The following WNT3 variants were observed in gnomAD, a reference collection of about 807,000 sequenced individuals.
WNT3 encodes proto-oncogene Wnt-3.
WNT3 carries 7 observed loss-of-function variants against 34.2 expected under a neutral mutation model. The observed-to-expected ratio is 0.20, with a 90% CI of 0.12 to 0.38. The LOEUF (loss-of-function observed/expected upper bound fraction) is 0.38, where lower values mean the gene tolerates loss of function less well. WNT3 is among the 10% of genes least tolerant of loss of function. The probability of loss-of-function intolerance (pLI) is 1.00; values close to 1 mark genes in which losing one functional copy is unlikely to be tolerated. For synonymous variants in WNT3, 212 were observed against 211.5 expected (o/e 1.00, Z -0.02); for missense variants, 267 against 499.8 (o/e 0.53, Z 4.44).
chr17:46,770,565 T>C (rs544710572), intron 2 of WNT3, among the ~76,000 whole-genome samples: 1 of 152,014 alleles, frequency 6.6e-6, no homozygotes, highest in African/African-American at 2.4e-5. Context: ...CCCCTCTCCT[T>C]TTCTCGGTCT....
chr17:46,787,769 C>A (rs2059522327), intron 1 of WNT3, among the ~76,000 whole-genome samples: 1 of 152,194 alleles, frequency 6.6e-6, no homozygotes. Flanking sequence ...GCCTGGCCAA[C>A]ATGGCGAAAC....
intron 1 of WNT3, among the ~76,000 whole-genome samples, chr17:46,781,283 G>A (rs111817228): frequency 6.6e-5 from 10 of 151,018 alleles, no homozygotes; most frequent in African/African-American, 2.2e-4. Flanking sequence ...AAGCTACAAC[G>A]TAGAGGAAAC....
At chr17:46,778,065 A>G (rs1568079159) in intron 1 of WNT3, among the ~76,000 whole-genome samples, 10 of 152,180 alleles carry the variant, frequency 6.6e-5, no homozygotes. Context: ...TAAGTGACAC[A>G]ATCCAGTGCA....
In WNT3 at chr17:46,773,833, G is replaced by A; in HGVS notation, c.157C>T (p.Pro53Ser). 2 of 1,613,372 alleles carry A rather than the reference G, an allele frequency of 1.2e-6. No individual in the cohort carries two copies. Among genetic ancestry groups the A allele is most frequent in the African/African-American group, 1.3e-5 (1 of 75,052 alleles). The change falls in exon 2 of 5, where the codon CCC becomes TCC. Residue 53 changes from proline (P) to serine (S), a missense_variant. Pro to Ser is a moderately conservative substitution (Grantham distance 74). This residue lies in a region of WNT3 where 181 missense variants were observed against 391.3 expected (regional missense o/e 0.46). Coordinates refer to ENST00000225512, the MANE Select transcript of WNT3 (RefSeq NM_030753.5). ...LLCGSIPGLV[P>S]KQLRFCRNYI... ...TTGCGGCAGAAGCGCAGTTGCTTGG[G>A]GACCAGGCCTGGGATGGAGCCGCAG...
chr17:46,767,575 C>G (rs542830413), intron 4 of WNT3, among the ~76,000 whole-genome samples: 1 of 152,132 alleles, frequency 6.6e-6, no homozygotes, highest in Non-Finnish European at 1.5e-5. Flanking sequence ...AAAGCTGAGG[C>G]CCAGAAAAGT....
intron 4 of WNT3, among the ~76,000 whole-genome samples, chr17:46,764,900 A>G (rs948124428): frequency 2.6e-5 from 4 of 152,220 alleles, no homozygotes; most frequent in African/African-American, 9.6e-5. Context: ...GGCAACAGGA[A>G]GCCCAGGAGC....
chr17:46,776,825 G>A (rs1252464509), intron 1 of WNT3, among the ~76,000 whole-genome samples: 2 of 152,110 alleles, frequency 1.3e-5, no homozygotes, highest in African/African-American at 2.4e-5. Context: ...CCACTGGAGC[G>A]GAGAGCTGAG....
intron 1 of WNT3, among the ~76,000 whole-genome samples, chr17:46,786,921 C>A (rs1246294133): frequency 3.3e-5 from 5 of 151,720 alleles, no homozygotes; most frequent in Admixed American, 2.6e-4. Flanking sequence ...TCAGTAAAGG[C>A]CATTTTTCTT....
At chr17:46,784,995 T>C (rs562738982) in intron 1 of WNT3, among the ~76,000 whole-genome samples, 1 of 152,132 alleles carries the variant, frequency 6.6e-6, no homozygotes. Context: ...GCCAGGATGG[T>C]CTCGATCTCC....
At chr17:46,779,103 A>ACACACACACACACACACACACCCC (rs749719578) in intron 1 of WNT3, among the ~76,000 whole-genome samples, 7 of 133,590 alleles carry the variant, frequency 5.2e-5, no homozygotes, top group East Asian at 2.5e-4. Flanking sequence ...ACACACACAC[A>ACACACACACACACACACACACCCC]CCCCAGCCCA....
intron 1 of WNT3, among the ~76,000 whole-genome samples, chr17:46,775,665 A>G (rs1474217536): frequency 2.7e-5 from 4 of 148,446 alleles, no homozygotes; most frequent in Admixed American, 2.0e-4. Context: ...CCAGGCTGGA[A>G]TGCAGTGACG....
intron 1 of WNT3, among the ~76,000 whole-genome samples, chr17:46,810,503 T>A (rs2084260347): frequency 6.6e-6 from 1 of 152,106 alleles, no homozygotes; most frequent in South Asian, 2.1e-4. Context: ...CCACAAAGAT[T>A]ATTCCACCTG....
chr17:46,780,929 C>A (rs2059455200), intron 1 of WNT3, among the ~76,000 whole-genome samples: 1 of 152,028 alleles, frequency 6.6e-6, no homozygotes, highest in Non-Finnish European at 1.5e-5. Flanking sequence ...TACAGTGGGA[C>A]CCTATTCAGC....
intron 1 of WNT3, among the ~76,000 whole-genome samples, chr17:46,811,476 C>T (rs891051200): frequency 6.6e-6 from 1 of 152,132 alleles, no homozygotes; most frequent in Non-Finnish European, 1.5e-5. Flanking sequence ...ACTGTGCTCA[C>T]GAGGGACAGG....
intron 2 of WNT3, among the ~76,000 whole-genome samples, chr17:46,770,865 G>A (rs1452056659): frequency 6.6e-6 from 1 of 152,228 alleles, no homozygotes; most frequent in African/African-American, 2.4e-5. Context: ...TCATTTTATA[G>A]ATGTGGACAT....
intron 1 of WNT3, among the ~76,000 whole-genome samples, chr17:46,787,935 A>G (rs1388757116): frequency 2.0e-5 from 3 of 151,170 alleles, no homozygotes; most frequent in Admixed American, 6.6e-5. Flanking sequence ...CAGCCTGGGC[A>G]ACAGAGTGAG....
chr17:46,818,535 A>G lies in WNT3; in HGVS notation c.63T>C (p.Ala21=). The stretch of plus-strand genomic sequence containing the variant: ...AGTCTTACCACCAAATTGGGTAGCC[A>G]GCGAGGACCCTGGTGCCACCGAGCA... ...GLLLGGTRVL[A]GYPIWWSLAL... The change falls in exon 1 of 5, where the codon GCT becomes GCC. Residue 21 remains alanine, a synonymous_variant. Transcript: ENST00000225512. The G allele has an allele frequency of 6.2e-7, 1 of 1,608,348 alleles. No individual in the cohort carries two copies. Among genetic ancestry groups the G allele is most frequent in the South Asian group, 1.1e-5 (1 of 89,776 alleles).
chr17:46,779,869 C>CT (rs2059445505), intron 1 of WNT3, among the ~76,000 whole-genome samples: 6 of 152,242 alleles, frequency 3.9e-5, no homozygotes, highest in Admixed American at 3.9e-4. Flanking sequence ...AGTGATTCTC[C>CT]TGCCTCGGCC....
chr17:46,768,796 T>G lies in WNT3; in HGVS notation c.592A>C (p.Ile198Leu), dbSNP rs772208937. Residue 198 changes from isoleucine (I) to leucine (L), a missense_variant, in exon 4 of 5, where the codon ATC (isoleucine) becomes CTC (leucine). Around this residue, in one of 3 missense-constraint regions of WNT3, gnomAD observed 181 missense variants for 391.3 expected, o/e 0.46. Coordinates refer to ENST00000225512, the MANE Select transcript of WNT3 (RefSeq NM_030753.5). The surrounding 1 kb of genome is among the most constrained non-coding windows in gnomAD (Gnocchi z 5.0). ...KHNNEAGRTTILDHMHLKCKC... is the reference protein window; with the variant it reads ...KHNNEAGRTTLLDHMHLKCKC... Reference sequence around the variant, plus strand: ...CATTTGAGGTGCATGTGGTCCAGGATAGTCTGGGGGAGAGAAGTGGCAGCT... The same window carrying G: ...CATTTGAGGTGCATGTGGTCCAGGAGAGTCTGGGGGAGAGAAGTGGCAGCT... The G allele has an allele frequency of 6.2e-7, 1 of 1,613,330 alleles. No individual in the cohort carries two copies. Among genetic ancestry groups the G allele is most frequent in the East Asian group, 2.2e-5 (1 of 44,872 alleles).
Sources: gnomAD v4.1 joint callset for allele counts (sites outside exome capture counted in the v4.1 genomes callset) on GRCh38, gnomAD v4.1.1 for gene constraint, gnomAD v4.1.1 regional missense constraint, Gnocchi (gnomAD v3.1) non-coding constraint, MANE v1.5 for transcripts, NCBI Gene and HGNC (gene_info 2026-07-23, HGNC 2026-07-21) for gene names.